The following CCDC174 variants were observed in gnomAD, a reference collection of about 807,000 sequenced individuals.
The protein encoded by CCDC174 is coiled-coil domain-containing protein 174.
A neutral mutation model predicts 57.1 loss-of-function variants in CCDC174; 37 were observed. The observed-to-expected ratio is 0.65, with a 90% CI of 0.50 to 0.85. The LOEUF (loss-of-function observed/expected upper bound fraction) is 0.85. Ranked by LOEUF, CCDC174 falls within the 40% of genes least tolerant of loss-of-function variation. CCDC174 has a pLI of 0.00. For missense variants in CCDC174, 540 were observed against 574.3 expected (o/e 0.94, Z 0.61); for synonymous variants, 182 against 190.2 (o/e 0.96, Z 0.35).
chr3:14,651,920 C>G, intron 1 of CCDC174, 42 bp downstream of exon 1: 1 of 1,596,036 alleles, frequency 6.3e-7, no homozygotes, highest in East Asian at 2.2e-5. Context: ...TCCGGGTTCA[C>G]CGTGTCTCCA....
chr3:14,661,721 T>C lies in CCDC174; in HGVS notation c.485+14T>C, dbSNP rs1461201257. ...CAGTGAAGAATGGTTGGTAACATCA[T>C]GGATTAGCTCAGAGGAACATCCTCA... is the stretch of plus-strand genomic sequence containing the variant. On this transcript the variant is annotated intron_variant, in intron 5 of 10. Coordinates refer to ENST00000383794, the MANE Select transcript of CCDC174 (RefSeq NM_016474.5). The C allele has an allele frequency of 1.9e-6, 3 of 1,605,726 alleles. No individual in the cohort carries two copies. The highest frequency in any genetic ancestry group is 3.4e-5 in the Admixed American group (2 of 58,290).
Position 14,667,534 on chromosome 3 carries a change from A to T in CCDC174, c.819+16A>T. ...GCGTGAACAGGTACAGATAAATCCC[A>T]AGTGACTGTGAGGAAAGATGTGAGC... is the stretch of plus-strand genomic sequence containing the variant. On this transcript the variant is annotated intron_variant, in intron 8 of 10. Transcript: ENST00000383794. 1 of 1,592,392 alleles carries T rather than the reference A, an allele frequency of 6.3e-7. No individual in the cohort carries two copies. The highest frequency in any genetic ancestry group is 8.6e-7 in the Non-Finnish European group (1 of 1,160,446).
intron 2 of CCDC174, among the ~76,000 whole-genome samples, chr3:14,654,856 C>T (rs1047416585): frequency 1.3e-5 from 2 of 152,030 alleles, no homozygotes; most frequent in African/African-American, 2.4e-5. Context: ...AGGAATATAG[C>T]GGAAAATATC....
chr3:14,667,304 C>T, intron 7 of CCDC174, 120 bp from the exon 8 acceptor site: 1 of 801,848 alleles, frequency 1.2e-6, no homozygotes, highest in Non-Finnish European at 2.0e-6. Context: ...TTTTCTTTTT[C>T]TTTTTAAAAC....
intron 10 of CCDC174, 112 bp downstream of exon 10, chr3:14,670,198 C>T: frequency 3.7e-6 from 4 of 1,092,178 alleles, no homozygotes; most frequent in Non-Finnish European, 3.9e-6. Flanking sequence ...TGTGGTTTTA[C>T]AGCTTTGGAA....
chr3:14,654,131 G>A (rs1045705713), intron 1 of CCDC174, among the ~76,000 whole-genome samples: 1 of 152,204 alleles, frequency 6.6e-6, no homozygotes, highest in African/African-American at 2.4e-5. Flanking sequence ...ACTAAAAGAT[G>A]CAGACTTTAT....
At position 14,664,935 on chromosome 3, in the gene CCDC174, C is replaced by T. The variant is rs1575071876; in HGVS notation, c.486-93C>T. The T allele has an allele frequency of 3.5e-6, 3 of 867,352 alleles. No individual in the cohort carries two copies. The East Asian group carries it at 7.2e-5, about 21-fold the overall frequency. 53.7% of individuals were successfully genotyped at this position (867,352 alleles called of 1,614,324 possible). ...TGGGGGCTCTTCTTGGTAGTGAGGC[C>T]TATCTTCCCCCTTCACTGTTCACCT... is the stretch of plus-strand genomic sequence containing the variant. On this transcript the variant is annotated intron_variant, in intron 5 of 10. Transcript: ENST00000383794.
intron 10 of CCDC174, 76 bp from the exon 11 acceptor site, chr3:14,670,820 C>G: frequency 1.6e-6 from 2 of 1,236,766 alleles, no homozygotes; most frequent in East Asian, 2.5e-5. Flanking sequence ...ATATATGATA[C>G]AATTAGATAA....
In CCDC174 at chr3:14,671,247, C is replaced by T; in HGVS notation, c.*53C>T. 1 of 1,504,872 alleles carries T rather than the reference C, an allele frequency of 6.6e-7. No homozygotes were observed. The highest frequency in any genetic ancestry group is 1.2e-5 in the South Asian group (1 of 80,070). 93.2% of individuals were successfully genotyped at this position (1,504,872 alleles called of 1,614,324 possible). On this transcript the variant is annotated 3_prime_UTR_variant, in exon 11 of 11. Transcript: ENST00000383794. ...GTACTTTGACAGTGCCTTTCTCTCC[C>T]AGAGGGAGAAATAACTTTAGGAACT...
rs746372033 is a variant in CCDC174 at position 14,669,914 on chromosome 3, T to C, written c.953-20T>C. The C allele has an allele frequency of 5.0e-6, 8 of 1,612,842 alleles. No homozygotes were observed. The highest frequency in any genetic ancestry group is 1.3e-5 in the African/African-American group (1 of 74,856). On this transcript the variant is annotated intron_variant, in intron 9 of 10. Transcript: ENST00000383794. Reference sequence around the variant, plus strand: ...TTTAGGCTTTTTTATAACAGTGTCTTATTCTTTTACAAAAAATAGATGGAG... The same window carrying C: ...TTTAGGCTTTTTTATAACAGTGTCTCATTCTTTTACAAAAAATAGATGGAG...
In CCDC174 at chr3:14,666,849, T is replaced by G; in HGVS notation, c.626T>G (p.Met209Arg). 6.2e-7 allele frequency: 1 copy of G among 1,601,824 alleles called. No homozygotes were observed. The highest frequency in any genetic ancestry group is 8.5e-7 in the Non-Finnish European group (1 of 1,176,934). ...ANEKTLLSED[M>R]RKELQRQQWE... ...GAAAAAACCCTATTATCTGAAGATATGAGAAAAGAACTTCAGCGCCAGCAA... is the reference window on the plus strand; with the variant it reads ...GAAAAAACCCTATTATCTGAAGATAGGAGAAAAGAACTTCAGCGCCAGCAA... Residue 209 changes from methionine to arginine, a missense_variant, in exon 7 of 11, where the codon ATG becomes AGG. Physicochemically the swap from Met to Arg is moderately conservative, Grantham distance 91. Coordinates refer to ENST00000383794, the MANE Select transcript of CCDC174 (RefSeq NM_016474.5).
At chr3:14,660,445 AG>A (rs1274384820) in intron 4 of CCDC174, among the ~76,000 whole-genome samples, 4 of 152,276 alleles carry the variant, frequency 2.6e-5, no homozygotes, top group African/African-American at 4.8e-5. Flanking sequence ...CGGAGGTTGC[AG>A]TGAGCCAAGA....
At chr3:14,666,682 C>A in intron 6 of CCDC174, 123 bp from the exon 7 acceptor site, 1 of 749,306 alleles carries the variant, frequency 1.3e-6, no homozygotes, top group Non-Finnish European at 2.1e-6. Flanking sequence ...GGGTCAGAAG[C>A]CTCTGTAGTT....
At chr3:14,655,747 C>T (rs1311324912) in intron 3 of CCDC174, 118 bp downstream of exon 3, 1 of 562,360 alleles carries the variant, frequency 1.8e-6, no homozygotes, top group Non-Finnish European at 3.2e-6. Flanking sequence ...CCTTCTAGCC[C>T]AATGCTCTAA....
intron 5 of CCDC174, among the ~76,000 whole-genome samples, chr3:14,663,367 C>A (rs965943294): frequency 2.0e-5 from 3 of 152,222 alleles, no homozygotes; most frequent in Non-Finnish European, 4.4e-5. Context: ...ACTTAATATA[C>A]TTCCTGCTCT....
chr3:14,670,063 T>C lies in CCDC174; in HGVS notation c.1082T>C (p.Ile361Thr). The change falls in exon 10 of 11, where the codon ATC (isoleucine) becomes ACC (threonine). Residue 361 changes from isoleucine to threonine, a missense_variant. Ile to Thr is a moderately conservative substitution (Grantham distance 89). Transcript: ENST00000383794. ...GACACCAAGCCTGGAGTGCCACACA[T>C]CCGGGAGTGGGACCGCGGAAAAGGT... ...RKDTKPGVPH[I>T]REWDRGKEFS... The C allele has an allele frequency of 6.2e-7, 1 of 1,610,764 alleles. No homozygotes were observed. Among genetic ancestry groups the C allele is most frequent in the Non-Finnish European group, 8.5e-7 (1 of 1,178,988 alleles).
chr3:14,667,599 T>C, intron 8 of CCDC174, 81 bp downstream of exon 8: 2 of 1,004,666 alleles, frequency 2.0e-6, no homozygotes, highest in Middle Eastern at 2.1e-4. Context: ...AAAAATCTAG[T>C]AAATTAGTTA....
At chr3:14,660,766 T>C (rs183498149) in intron 4 of CCDC174, among the ~76,000 whole-genome samples, 1 of 152,362 alleles carries the variant, frequency 6.6e-6, no homozygotes, top group Admixed American at 6.5e-5. Context: ...GGGTTCAATG[T>C]AGCTTAATCT....
chr3:14,666,800 G>A lies in CCDC174; in HGVS notation c.582-5G>A. 6.4e-7 allele frequency: 1 copy of A among 1,572,576 alleles called. No individual in the cohort carries two copies. Among genetic ancestry groups the A allele is most frequent in the Non-Finnish European group, 8.6e-7 (1 of 1,167,436 alleles). On this transcript the variant is annotated splice_region_variant and splice_polypyrimidine_tract_variant and intron_variant, in intron 6 of 10. Transcript: ENST00000383794. ...AAGATAGTTTTTGCTCTGTTTTCCT[G>A]CTAGTTTTATTAGTCCTGCTAATGA...
Sources: gnomAD v4.1 joint callset for allele counts (sites outside exome capture counted in the v4.1 genomes callset) on GRCh38, gnomAD v4.1.1 for gene constraint, MANE v1.5 for transcripts, NCBI Gene and HGNC (gene_info 2026-07-23, HGNC 2026-07-21) for gene names.